TRIM5: variants seen among roughly 807,000 people sequenced by gnomAD.
TRIM5 encodes the protein tripartite motif-containing protein 5.
TRIM5 carries 31 observed loss-of-function variants against 35.6 expected under a neutral mutation model. The ratio of observed to expected loss-of-function variants is 0.87; its 90% CI spans 0.65 to 1.18. The LOEUF (loss-of-function observed/expected upper bound fraction) is 1.18, where lower values mean the gene tolerates loss of function less well. Ranked by LOEUF, TRIM5 falls within the 50% of genes most tolerant of loss-of-function variation. The pLI, the probability that TRIM5 is intolerant of heterozygous loss-of-function variation, is 0.00. For missense variants in TRIM5, 609 were observed against 591.6 expected, an observed-to-expected ratio of 1.03 and a Z score of -0.31; for synonymous variants, 243 against 215.6, an observed-to-expected ratio of 1.13 and a Z score of -1.11.
chr11:5,682,160 T>C (rs1043652059), intron 1 of TRIM5, among the ~76,000 whole-genome samples: 1 of 152,056 alleles, frequency 6.6e-6, no homozygotes, highest in Non-Finnish European at 1.5e-5. Context: ...TCCTAGTACT[T>C]TGGGAGGCCA....
the TRIM5 span, among the ~76,000 whole-genome samples, chr11:5,658,173 C>T: frequency 6.6e-6 from 1 of 152,170 alleles, no homozygotes; most frequent in Non-Finnish European, 1.5e-5. Flanking sequence ...ACACAAGCAA[C>T]TGAATGTTAA....
chr11:5,629,686 G>A, the TRIM5 span, among the ~76,000 whole-genome samples: 1 of 152,190 alleles, frequency 6.6e-6, no homozygotes, highest in African/African-American at 2.4e-5. Context: ...CGCTTCAGGT[G>A]AGCTCTCCGT....
chr11:5,644,790 C>A, the TRIM5 span, among the ~76,000 whole-genome samples: 3 of 152,056 alleles, frequency 2.0e-5, no homozygotes, highest in Non-Finnish European at 2.9e-5. Flanking sequence ...GGATTTTTGT[C>A]CTGCCCAAAT....
chr11:5,665,126 T>A lies in TRIM5; in HGVS notation c.1165A>T (p.Lys389Ter), dbSNP rs766648036. 6.2e-7 allele frequency: 1 copy of A among 1,614,122 alleles called. No homozygotes were observed. Among genetic ancestry groups the A allele is most frequent in the Non-Finnish European group, 8.5e-7 (1 of 1,180,006 alleles). Residue 389 changes from lysine (K) to a stop codon, truncating the protein, a stop_gained, in exon 8 of 8, where the codon AAA becomes TAA. Transcript: ENST00000380034. LOFTEE classifies it low-confidence loss of function (END_TRUNC). ...FQPDAMCNIE[K>*]NENYQPKYGY... is the part of the protein sequence containing the mutation. ...TATTTAGGTTGATAATTTTCATTTT[T>A]TTCAATATTACACATTGCATCAGGT...
the TRIM5 span, among the ~76,000 whole-genome samples, chr11:5,617,846 T>TA: frequency 5.9e-3 from 890 of 151,426 alleles, 3 homozygotes; most frequent in African/African-American, 0.016. Flanking sequence ...ATCCTTTTTT[T>TA]AAAAAAAATG....
At chr11:5,669,570 T>C (rs1851423008) in intron 4 of TRIM5, among the ~76,000 whole-genome samples, 1 of 152,246 alleles carries the variant, frequency 6.6e-6, no homozygotes, top group Non-Finnish European at 1.5e-5. Flanking sequence ...TAGTTTTGCT[T>C]TTTGTATTAG....
the TRIM5 span, chr11:5,634,683 G>A: frequency 6.2e-7 from 1 of 1,614,024 alleles, no homozygotes; most frequent in East Asian, 2.2e-5. Flanking sequence ...GATCAGCTTA[G>A]AAGCATCCTA....
the TRIM5 span, among the ~76,000 whole-genome samples, chr11:5,636,374 G>GC: frequency 6.6e-6 from 1 of 152,156 alleles, no homozygotes; most frequent in Non-Finnish European, 1.5e-5. Flanking sequence ...GGAAGAATAG[G>GC]AAGTAATTGC....
chr11:5,669,079 T>TC (rs1851362059), intron 4 of TRIM5, among the ~76,000 whole-genome samples: 1 of 136,380 alleles, frequency 7.3e-6, no homozygotes, highest in South Asian at 2.2e-4. Flanking sequence ...TGGTCTACAT[T>TC]CTTTTTTTTT....
the TRIM5 span, among the ~76,000 whole-genome samples, chr11:5,602,309 G>A: frequency 4.6e-5 from 7 of 152,248 alleles, 1 homozygote; most frequent in East Asian, 1.4e-3. Flanking sequence ...CGGACATAGT[G>A]GCAGGCACCT....
the TRIM5 span, chr11:5,634,797 T>A: frequency 6.2e-7 from 1 of 1,613,856 alleles, no homozygotes; most frequent in Non-Finnish European, 8.5e-7. Flanking sequence ...CAGAAGCAGT[T>A]GGTGAGAGAG....
the TRIM5 span, chr11:5,604,686 A>G: frequency 3.8e-6 from 6 of 1,567,008 alleles, no homozygotes; most frequent in Non-Finnish European, 5.2e-6. Context: ...AGGTCATAGG[A>G]GCTGAGGGCA....
the TRIM5 span, among the ~76,000 whole-genome samples, chr11:5,607,141 G>C: frequency 6.6e-6 from 1 of 151,856 alleles, no homozygotes; most frequent in Non-Finnish European, 1.5e-5. Flanking sequence ...GAGGCGGAGC[G>C]TGCAGTGAGC....
the TRIM5 span, among the ~76,000 whole-genome samples, chr11:5,601,645 C>G: frequency 4.6e-5 from 7 of 152,128 alleles, no homozygotes; most frequent in Non-Finnish European, 1.5e-5. Flanking sequence ...GTAATCCCAG[C>G]TACTCAGGAG....
intron 4 of TRIM5, among the ~76,000 whole-genome samples, chr11:5,674,776 A>G (rs1851819699): frequency 1.3e-5 from 2 of 152,220 alleles, no homozygotes; most frequent in African/African-American, 4.8e-5. Flanking sequence ...ACTTTAAGTA[A>G]AGTAAGTCAG....
the TRIM5 span, among the ~76,000 whole-genome samples, chr11:5,609,115 A>G: frequency 6.6e-6 from 1 of 152,128 alleles, no homozygotes; most frequent in Non-Finnish European, 1.5e-5. Flanking sequence ...ATAATAATTT[A>G]GCCCGGGAAT....
the TRIM5 span, chr11:5,603,240 A>G: frequency 1.8e-5 from 29 of 1,612,122 alleles, no homozygotes; most frequent in East Asian, 6.5e-4. Flanking sequence ...TTGTTCATCT[A>G]CCTAGGATTC....
the TRIM5 span, among the ~76,000 whole-genome samples, chr11:5,594,221 A>T: frequency 6.6e-6 from 1 of 152,220 alleles, no homozygotes; most frequent in African/African-American, 2.4e-5. Context: ...CAAGATGAGA[A>T]ATTATAGAGA....
At chr11:5,651,059 G>C in the TRIM5 span, among the ~76,000 whole-genome samples, 4 of 152,264 alleles carry the variant, frequency 2.6e-5, no homozygotes, top group Admixed American at 1.3e-4. Context: ...TTAGTAAATG[G>C]ACTGGAGTGA....
Sources: gnomAD v4.1 joint callset for allele counts (sites outside exome capture counted in the v4.1 genomes callset) on GRCh38, gnomAD v4.1.1 for gene constraint, MANE v1.5 for transcripts, NCBI Gene and HGNC (gene_info 2026-07-23, HGNC 2026-07-21) for gene names.